The following RPL19 variants were observed in gnomAD, a reference collection of about 807,000 sequenced individuals.
The protein encoded by RPL19 is large ribosomal subunit protein eL19.
A neutral mutation model predicts 25.1 loss-of-function variants in RPL19; 2 were observed. The observed-to-expected ratio is 0.08, with a 90% CI of 0.03 to 0.25. The LOEUF (loss-of-function observed/expected upper bound fraction) is 0.25. RPL19 is among the 10% of genes least tolerant of loss of function. The pLI is 1.00. For synonymous variants in RPL19, 89 were observed against 91.2 expected, an observed-to-expected ratio of 0.98 and a Z score of 0.14; for missense variants, 123 against 271.8, an observed-to-expected ratio of 0.45 and a Z score of 3.85.
In RPL19 at chr17:39,201,186, G is replaced by A. The variant is rs531712244; in HGVS notation, c.6-27G>A. 115 of 1,506,686 alleles carry A rather than the reference G, an allele frequency of 7.6e-5. 1 individual carries two copies. In the South Asian group the frequency reaches 1.2e-3, roughly 16 times the overall value. The allele number at this position is 1,506,686 out of a possible 1,614,324, so 93.3% of individuals were successfully genotyped here. A position where few individuals can be genotyped will look rare whatever the true frequency, so the allele number is the denominator to read the frequency against. ...TTCTTGCCCAGGATTGGCTTTCAGA[G>A]TCTAATCATGTTTTCTGTGTGTCTA... On this transcript the variant is annotated intron_variant, in intron 1 of 5. Coordinates refer to ENST00000225430, the MANE Select transcript of RPL19 (RefSeq NM_000981.4).
rs1053924169 is a variant in RPL19, at chr17:39,200,306, C to T, written c.-39C>T. The T allele has an allele frequency of 3.3e-6, 5 of 1,528,278 alleles. No individual in the cohort carries two copies. Among genetic ancestry groups the T allele is most frequent in the Non-Finnish European group, 4.4e-6 (5 of 1,137,388 alleles). The allele number at this position is 1,528,278 out of a possible 1,614,324, so 94.7% of individuals were successfully genotyped here. On this transcript the variant is annotated 5_prime_UTR_variant, in exon 1 of 6. Transcript: ENST00000225430. ...TCGCAGATAATGGGAGGAGCCGGGC[C>T]CGAGCGAGCTCTTTCCTTTCGCTGC...
rs370286974 is a variant in RPL19, at chr17:39,200,522, G to C, written c.5+173G>C. On this transcript the variant is annotated intron_variant, in intron 1 of 5. Transcript: ENST00000225430. Reference sequence around the variant, plus strand: ...GTCCCGGGCCTCCGGAGTGAGGGGGGGCGGGGAGCGTCGCAGCAACTGAGA... The same window carrying C: ...GTCCCGGGCCTCCGGAGTGAGGGGGCGCGGGGAGCGTCGCAGCAACTGAGA... 1.2e-4 allele frequency: 150 copies of C among 1,299,186 alleles called. No individual in the cohort carries two copies. The East Asian group carries it at 3.5e-3, about 30-fold the overall frequency. 80.5% of individuals were successfully genotyped at this position (1,299,186 alleles called of 1,614,324 possible). A position where few individuals can be genotyped will look rare whatever the true frequency, so the allele number is the denominator to read the frequency against.
intron 3 of RPL19, chr17:39,202,759 C>A: frequency 1.6e-6 from 1 of 609,662 alleles, no homozygotes; most frequent in Non-Finnish European, 2.9e-6. Context: ...CCACATTCTG[C>A]ATGAAGTGAA....
In RPL19 at chr17:39,204,615, G is replaced by GACTTTATCC. The variant is rs772372191; in HGVS notation, c.560_568dup (p.Thr187_Ser189dup). On this transcript the variant is annotated inframe_insertion, in exon 6 of 6. Coordinates refer to ENST00000225430, the MANE Select transcript of RPL19 (RefSeq NM_000981.4). ...AGGCCAAGAAGGAGGAGATCATCAA[G>GACTTTATCC]ACTTTATCCAAGGAGGAAGAGACCA... 1 of 1,614,150 alleles carries GACTTTATCC rather than the reference G, an allele frequency of 6.2e-7. No homozygotes were observed. Among genetic ancestry groups the GACTTTATCC allele is most frequent in the South Asian group, 1.1e-5 (1 of 91,074 alleles).
At chr17:39,202,737 T>G in intron 3 of RPL19, 2 of 497,616 alleles carry the variant, frequency 4.0e-6, no homozygotes, top group Non-Finnish European at 7.2e-6. Flanking sequence ...CTTGGTGCAC[T>G]GCCTGTTACA....
In RPL19 at chr17:39,200,323, T is replaced by C; in HGVS notation, c.-22T>C. Reference sequence around the variant, plus strand: ...AGCCGGGCCCGAGCGAGCTCTTTCCTTTCGCTGCTGCGGCCGCAGCCATGA... The same window carrying C: ...AGCCGGGCCCGAGCGAGCTCTTTCCCTTCGCTGCTGCGGCCGCAGCCATGA... On this transcript the variant is annotated 5_prime_UTR_variant, in exon 1 of 6. Coordinates refer to ENST00000225430, the MANE Select transcript of RPL19 (RefSeq NM_000981.4). The C allele has an allele frequency of 6.4e-7, 1 of 1,552,712 alleles. No individual in the cohort carries two copies. Among genetic ancestry groups the C allele is most frequent in the South Asian group, 1.2e-5 (1 of 83,646 alleles).
chr17:39,202,860 A>G, intron 3 of RPL19, 129 bp from the exon 4 acceptor site: 2 of 1,010,030 alleles, frequency 2.0e-6, no homozygotes, highest in Admixed American at 2.3e-5. Context: ...AAATGGAAGT[A>G]ATGCTACTTA....
At chr17:39,203,663 C>T (rs924763510) in intron 4 of RPL19, among the ~76,000 whole-genome samples, 1 of 151,840 alleles carries the variant, frequency 6.6e-6, no homozygotes. Context: ...CATGTACTAC[C>T]ACGCCTGGCT....
chr17:39,200,762 C>G lies in RPL19; in HGVS notation c.5+413C>G, dbSNP rs1048929971. On this transcript the variant is annotated intron_variant, in intron 1 of 5. Transcript: ENST00000225430. Reference sequence around the variant, plus strand: ...GAGAGAGGTGATCTCTAACTCTTGACTCCATTCACTCCTTTGGCCTCTCAT... The same window carrying G: ...GAGAGAGGTGATCTCTAACTCTTGAGTCCATTCACTCCTTTGGCCTCTCAT... 4.8e-6 allele frequency: 5 copies of G among 1,046,646 alleles called. No homozygotes were observed. The African/African-American group carries it at 5.1e-5, about 11-fold the overall frequency. The allele number at this position is 1,046,646 out of a possible 1,614,324, so 64.8% of individuals were successfully genotyped here.
intron 3 of RPL19, chr17:39,202,679 C>G: frequency 4.9e-6 from 3 of 607,360 alleles, no homozygotes; most frequent in South Asian, 4.1e-5. Flanking sequence ...TCTGTACTTT[C>G]TAGTTTCAGA....
rs2046285721 is a variant in RPL19 at position 39,201,203 on chromosome 17, G to C, written c.6-10G>C. The C allele has an allele frequency of 3.2e-6, 5 of 1,582,376 alleles. No homozygotes were observed. Among genetic ancestry groups the C allele is most frequent in the Non-Finnish European group, 4.3e-6 (5 of 1,156,362 alleles). ...CTTTCAGAGTCTAATCATGTTTTCT[G>C]TGTGTCTAGTATGCTCAGGCTTCAG... On this transcript the variant is annotated splice_polypyrimidine_tract_variant and intron_variant, in intron 1 of 5. Transcript: ENST00000225430.
Position 39,200,445 on chromosome 17 carries a change from G to A in RPL19, c.5+96G>A, listed in dbSNP as rs550012652. 4.5e-4 allele frequency: 615 copies of A among 1,360,736 alleles called. 2 individuals carry two copies. The highest frequency in any genetic ancestry group is 1.1e-3 in the Middle Eastern group (4 of 3,552). 84.3% of individuals were successfully genotyped at this position (1,360,736 alleles called of 1,614,324 possible). A position where few individuals can be genotyped will look rare whatever the true frequency, so the allele number is the denominator to read the frequency against. ...CTGGGGTTGGGGGAGATGAAATGGA[G>A]GCCGCCCTAAAGCGGCCGGTCCCGG... is the stretch of plus-strand genomic sequence containing the variant. On this transcript the variant is annotated intron_variant, in intron 1 of 5. Coordinates refer to ENST00000225430, the MANE Select transcript of RPL19 (RefSeq NM_000981.4).
At chr17:39,201,398 G>GA in intron 2 of RPL19, 79 bp downstream of exon 2, 4 of 802,970 alleles carry the variant, frequency 5.0e-6, no homozygotes, top group Non-Finnish European at 7.8e-6. Context: ...CAATTGTGTT[G>GA]ACTTTTTTTT....
rs889560372 is a variant in RPL19, at chr17:39,204,732, C to T, written c.*84C>T. ...ATAAAACAAGCCTTAATCTGCCTTC[C>T]TCTCTGCTTCTTGCAAGGTTTACGG... On this transcript the variant is annotated 3_prime_UTR_variant, in exon 6 of 6. Coordinates refer to ENST00000225430, the MANE Select transcript of RPL19 (RefSeq NM_000981.4). 3.6e-6 allele frequency: 5 copies of T among 1,372,964 alleles called. No homozygotes were observed. In the African/African-American group the frequency reaches 4.4e-5, roughly 12 times the overall value. 85.0% of individuals were successfully genotyped at this position (1,372,964 alleles called of 1,614,324 possible). A position where few individuals can be genotyped will look rare whatever the true frequency, so the allele number is the denominator to read the frequency against.
chr17:39,201,115 G>C, intron 1 of RPL19, 98 bp from the exon 2 acceptor site: 1 of 776,856 alleles, frequency 1.3e-6, no homozygotes. Flanking sequence ...CTTATTTCGC[G>C]GCTGTGGTGT....
At chr17:39,204,731 CCT>C (rs2046313143) in exon 6 of RPL19, 3 of 1,389,176 alleles carry the variant, frequency 2.2e-6, no homozygotes, top group African/African-American at 1.4e-5. Flanking sequence ...AATCTGCCTT[CCT>C]CTCTGCTTCT....
chr17:39,201,068 C>T, intron 1 of RPL19, 145 bp from the exon 2 acceptor site: 1 of 639,464 alleles, frequency 1.6e-6, no homozygotes, highest in Non-Finnish European at 2.8e-6. Flanking sequence ...GGGCCAGCTG[C>T]ATAGCCCAGA....
chr17:39,204,584 G>A lies in RPL19; in HGVS notation c.527G>A (p.Arg176His). ...GAAGCACGCAAGCGCCGTGAAGAGC[G>A]CCTCCAGGCCAAGAAGGAGGAGATC... ...TKEARKRREE[R>H]LQAKKEEIIK... is the part of the protein sequence containing the mutation. Residue 176 changes from arginine (R) to histidine (H), a missense_variant, in exon 6 of 6, where the codon CGC becomes CAC. Coordinates refer to ENST00000225430, the MANE Select transcript of RPL19 (RefSeq NM_000981.4). 1 of 1,614,010 alleles carries A rather than the reference G, an allele frequency of 6.2e-7. No homozygotes were observed. Among genetic ancestry groups the A allele is most frequent in the Non-Finnish European group, 8.5e-7 (1 of 1,179,856 alleles).
At chr17:39,203,789 G>C (rs1032911416) in intron 4 of RPL19, among the ~76,000 whole-genome samples, 7 of 152,042 alleles carry the variant, frequency 4.6e-5, no homozygotes, top group Non-Finnish European at 8.8e-5. Context: ...TTACAGGCCT[G>C]AGCCACCACG....
Sources: gnomAD v4.1 joint callset for allele counts (sites outside exome capture counted in the v4.1 genomes callset) on GRCh38, gnomAD v4.1.1 for gene constraint, MANE v1.5 for transcripts, NCBI Gene and HGNC (gene_info 2026-07-23, HGNC 2026-07-21) for gene names.